Variants in SGIP1 observed in about 807,000 individuals in gnomAD.
The protein encoded by SGIP1 is SH3-containing GRB2-like protein 3-interacting protein 1.
Under a neutral mutation model 107.5 loss-of-function variants are expected in SGIP1, and 38 were observed. The ratio of observed to expected loss-of-function variants is 0.35; its 90% CI spans 0.27 to 0.46. The LOEUF (loss-of-function observed/expected upper bound fraction) is 0.46, where lower values mean the gene tolerates loss of function less well. Among genes scored for constraint, SGIP1 ranks in the 20% least tolerant of loss-of-function variants. SGIP1 has a pLI of 1.00. For synonymous variants in SGIP1, 365 were observed against 366.1 expected (o/e 1.00, Z 0.03); for missense variants, 929 against 1,019.5 (o/e 0.91, Z 1.21).
At chr1:66,682,903 G>A (rs1365674605) in intron 15 of SGIP1, among the ~76,000 whole-genome samples, 2 of 151,748 alleles carry the variant, frequency 1.3e-5, no homozygotes, top group African/African-American at 4.8e-5. Context: ...AAGACATAAG[G>A]TTTGAAAAGG....
chr1:66,701,281 T>A (rs912427535), intron 18 of SGIP1, among the ~76,000 whole-genome samples: 1 of 152,178 alleles, frequency 6.6e-6, no homozygotes, highest in Non-Finnish European at 1.5e-5. Context: ...TTCACATTAT[T>A]CTTAAGTGGG....
intron 1 of SGIP1, among the ~76,000 whole-genome samples, chr1:66,577,787 T>A (rs907442388): frequency 1.0e-4 from 12 of 115,702 alleles, no homozygotes; most frequent in African/African-American, 1.5e-4. Context: ...TGTGTGTGTG[T>A]GTGTGTGTGT....
At chr1:66,551,840 C>T (rs905883796) in intron 1 of SGIP1, among the ~76,000 whole-genome samples, 5 of 152,068 alleles carry the variant, frequency 3.3e-5, no homozygotes, top group African/African-American at 1.2e-4. Context: ...TGCAGAAGTC[C>T]AAGATTGTAG....
At chr1:66,624,121 T>G (rs1490457584) in intron 1 of SGIP1, among the ~76,000 whole-genome samples, 1 of 149,876 alleles carries the variant, frequency 6.7e-6, no homozygotes, top group East Asian at 2.0e-4. Flanking sequence ...GATAATAGCA[T>G]TGGTTTTACA....
chr1:66,642,366 C>T (rs886475037), intron 5 of SGIP1, among the ~76,000 whole-genome samples: 11 of 152,242 alleles, frequency 7.2e-5, no homozygotes, highest in Middle Eastern at 3.4e-3. Context: ...CCATAAAGAC[C>T]TCCCTGATTC....
intron 4 of SGIP1, among the ~76,000 whole-genome samples, chr1:66,637,310 C>G (rs1167071757): frequency 6.6e-6 from 1 of 151,836 alleles, no homozygotes; most frequent in African/African-American, 2.4e-5. Flanking sequence ...TTGTTTTTTT[C>G]TTGGGTTTGA....
intron 2 of SGIP1, among the ~76,000 whole-genome samples, chr1:66,632,397 G>A (rs1298565917): frequency 6.6e-6 from 1 of 152,134 alleles, no homozygotes; most frequent in Non-Finnish European, 1.5e-5. Context: ...AAATATGGAG[G>A]AAAGTACCAA....
At chr1:66,600,435 C>T (rs2065575876) in intron 1 of SGIP1, among the ~76,000 whole-genome samples, 1 of 152,126 alleles carries the variant, frequency 6.6e-6, no homozygotes, top group Admixed American at 6.5e-5. Flanking sequence ...AAGGCATTTA[C>T]AAGCTCTGAT....
At chr1:66,691,343 AT>A (rs1320800268) in intron 17 of SGIP1, among the ~76,000 whole-genome samples, 1 of 152,086 alleles carries the variant, frequency 6.6e-6, no homozygotes, top group Non-Finnish European at 1.5e-5. Flanking sequence ...AGAACTGCCT[AT>A]TTTCCCAGAT....
intron 24 of SGIP1, among the ~76,000 whole-genome samples, chr1:66,742,637 T>G (rs1407710984): frequency 6.7e-6 from 1 of 149,800 alleles, no homozygotes; most frequent in Non-Finnish European, 1.5e-5. Context: ...GCCCGGCTAA[T>G]TTTTTGTATT....
chr1:66,701,718 G>T (rs547256333), intron 18 of SGIP1, among the ~76,000 whole-genome samples: 39 of 152,250 alleles, frequency 2.6e-4, no homozygotes, highest in Middle Eastern at 3.4e-3. Context: ...CCAGCATGAT[G>T]ATCATACTTG....
intron 7 of SGIP1, among the ~76,000 whole-genome samples, chr1:66,652,403 T>A (rs962696031): frequency 1.3e-5 from 2 of 152,174 alleles, no homozygotes; most frequent in African/African-American, 2.4e-5. Context: ...GAGCAGGAGC[T>A]GACCTACCCT....
intron 1 of SGIP1, among the ~76,000 whole-genome samples, chr1:66,602,440 T>C (rs976356593): frequency 1.3e-5 from 2 of 152,154 alleles, no homozygotes; most frequent in African/African-American, 4.8e-5. Flanking sequence ...GGGTAATTTC[T>C]GATTTGGGCT....
intron 19 of SGIP1, among the ~76,000 whole-genome samples, chr1:66,724,820 AC>A (rs758690949): frequency 2.6e-5 from 4 of 152,196 alleles, no homozygotes; most frequent in Non-Finnish European, 5.9e-5. Flanking sequence ...TGGCAAGAAA[AC>A]TGAGAAAATT....
At chr1:66,579,929 A>G (rs1301556183) in intron 1 of SGIP1, among the ~76,000 whole-genome samples, 1 of 152,002 alleles carries the variant, frequency 6.6e-6, no homozygotes, top group African/African-American at 2.4e-5. Context: ...TCCACTTTCA[A>G]TCACCAACTA....
intron 1 of SGIP1, among the ~76,000 whole-genome samples, chr1:66,563,270 C>A (rs926390099): frequency 6.6e-6 from 1 of 151,972 alleles, no homozygotes; most frequent in Admixed American, 6.6e-5. Flanking sequence ...TACTTTAATA[C>A]TGCAAAGTGT....
intron 1 of SGIP1, among the ~76,000 whole-genome samples, chr1:66,595,104 C>G (rs754120788): frequency 6.6e-6 from 1 of 152,312 alleles, no homozygotes; most frequent in South Asian, 2.1e-4. Flanking sequence ...TCACCTGAAC[C>G]ATGCTAAAGA....
intron 18 of SGIP1, among the ~76,000 whole-genome samples, chr1:66,709,974 A>G (rs1303551587): frequency 1.3e-5 from 2 of 151,930 alleles, no homozygotes; most frequent in Non-Finnish European, 2.9e-5. Flanking sequence ...CACACAATTT[A>G]CACACATATA....
intron 1 of SGIP1, among the ~76,000 whole-genome samples, chr1:66,587,279 G>T (rs1222315604): frequency 1.3e-5 from 2 of 151,826 alleles, no homozygotes; most frequent in African/African-American, 4.8e-5. Flanking sequence ...TACTTTTTCA[G>T]CTATGCCTTC....
Sources: allele counts gnomAD v4.1 joint callset (sites outside exome capture counted in the v4.1 genomes callset), GRCh38; gene constraint gnomAD v4.1.1; transcripts MANE v1.5; gene names NCBI Gene and HGNC (gene_info 2026-07-23, HGNC 2026-07-21).